Variants in DCAF13 observed in about 807,000 individuals in gnomAD.
The protein encoded by DCAF13 is DDB1- and CUL4-associated factor 13.
A neutral mutation model predicts 59.0 loss-of-function variants in DCAF13; 38 were observed. The ratio of observed to expected loss-of-function variants is 0.64; its 90% CI spans 0.50 to 0.84. The LOEUF (loss-of-function observed/expected upper bound fraction) is 0.84. Among genes scored for constraint, DCAF13 ranks in the 40% least tolerant of loss-of-function variants. The pLI, the probability that DCAF13 is intolerant of heterozygous loss-of-function variation, is 0.00. For synonymous variants in DCAF13, 173 were observed against 175.0 expected, an observed-to-expected ratio of 0.99 and a Z score of 0.09; for missense variants, 469 against 558.4, an observed-to-expected ratio of 0.84 and a Z score of 1.61.
At chr8:103,420,007 C>CAAA (rs57225658) in intron 1 of DCAF13, among the ~76,000 whole-genome samples, 1 of 81,262 alleles carries the variant, frequency 1.2e-5, no homozygotes, top group Non-Finnish European at 2.7e-5. Context: ...GACTCCGTCT[C>CAAA]AAAAAAAAAA....
At chr8:103,432,078 T>A (rs1816872634) in intron 6 of DCAF13, among the ~76,000 whole-genome samples, 1 of 152,204 alleles carries the variant, frequency 6.6e-6, no homozygotes, top group Admixed American at 6.6e-5. Flanking sequence ...GTTTCTTTTA[T>A]CCTTTCTCTC....
Position 103,427,123 on chromosome 8 carries a change from C to G in DCAF13, c.495C>G (p.His165Gln). The change falls in exon 5 of 11, where the codon CAC becomes CAG. Residue 165 changes from histidine (H) to glutamine (Q), a missense_variant. Physicochemically the swap from His to Gln is conservative, Grantham distance 24. Around this residue, in one of 3 missense-constraint regions of DCAF13, gnomAD observed 355 missense variants for 399.1 expected, o/e 0.89. Coordinates refer to ENST00000612750, the MANE Select transcript of DCAF13 (RefSeq NM_015420.7). ...CAGTGTATACTGGGATTGATCATCA[C>G]TGGAAAGAAGCTGTTTTTGCCACAT... ...GKTVYTGIDHHWKEAVFATCG... is the reference protein window; with the variant it reads ...GKTVYTGIDHQWKEAVFATCG... The G allele has an allele frequency of 6.2e-7, 1 of 1,612,954 alleles. No individual in the cohort carries two copies. Among genetic ancestry groups the G allele is most frequent in the Non-Finnish European group, 8.5e-7 (1 of 1,179,566 alleles).
At chr8:103,433,215 A>T (rs1336853734) in intron 7 of DCAF13, among the ~76,000 whole-genome samples, 1 of 152,152 alleles carries the variant, frequency 6.6e-6, no homozygotes, top group Non-Finnish European at 1.5e-5. Context: ...TTTAATGGAA[A>T]TGAAAATATC....
At chr8:103,417,641 CAAAAA>C (rs34702662) in intron 1 of DCAF13, among the ~76,000 whole-genome samples, 4 of 75,944 alleles carry the variant, frequency 5.3e-5, no homozygotes, top group Admixed American at 2.8e-4. Context: ...GACTCCGTCT[CAAAAA>C]AAAAAAAAAA....
Position 103,435,678 on chromosome 8 carries a change from G to T in DCAF13, c.838G>T (p.Asp280Tyr). ...GGACACTCCTGTAATGGTCCATATG[G>T]ATCATGTATCTGCAGTGCTTGATGT... ...ALDTPVMVHMDHVSAVLDVDY... is the reference protein window; with the variant it reads ...ALDTPVMVHMYHVSAVLDVDY... The change falls in exon 8 of 11, where the codon GAT becomes TAT. Residue 280 changes from aspartate to tyrosine, a missense_variant. This residue lies in a region of DCAF13 where 355 missense variants were observed against 399.1 expected (regional missense o/e 0.89). Transcript: ENST00000612750. 1 of 1,612,590 alleles carries T rather than the reference G, an allele frequency of 6.2e-7. No individual in the cohort carries two copies. Among genetic ancestry groups the T allele is most frequent in the Non-Finnish European group, 8.5e-7 (1 of 1,179,224 alleles).
chr8:103,442,493 C>T (rs961900101), intron 10 of DCAF13: 6 of 193,324 alleles, frequency 3.1e-5, no homozygotes, highest in Non-Finnish European at 6.3e-5. Flanking sequence ...TTAGAATATA[C>T]AAATGGCTCT....
At chr8:103,422,598 A>G (rs1400236968) in intron 3 of DCAF13, among the ~76,000 whole-genome samples, 1 of 152,238 alleles carries the variant, frequency 6.6e-6, no homozygotes, top group Non-Finnish European at 1.5e-5. Flanking sequence ...TTAGAAATGT[A>G]GAGATGTAAA....
At chr8:103,441,780 T>C in intron 10 of DCAF13, 162 bp downstream of exon 10, 1 of 672,242 alleles carries the variant, frequency 1.5e-6, no homozygotes, top group Non-Finnish European at 2.3e-6. Flanking sequence ...TTTTCTTTTT[T>C]CTTTTTTTTT....
chr8:103,417,424 G>A (rs1426327764), intron 1 of DCAF13, among the ~76,000 whole-genome samples: 1 of 151,744 alleles, frequency 6.6e-6, no homozygotes, highest in Non-Finnish European at 1.5e-5. Context: ...GGCGGATCAC[G>A]AGGTCAGGAG....
chr8:103,430,607 T>A lies in DCAF13; in HGVS notation c.625-5T>A. The A allele has an allele frequency of 6.2e-7, 1 of 1,609,846 alleles. No individual in the cohort carries two copies. The highest frequency in any genetic ancestry group is 8.5e-7 in the Non-Finnish European group (1 of 1,177,256). ...TGAACTGGTGATTGTTATACTTGTTTTTAGACATTTCTCTTGGGAAGTTGT... is the reference window on the plus strand; with the variant it reads ...TGAACTGGTGATTGTTATACTTGTTATTAGACATTTCTCTTGGGAAGTTGT... On this transcript the variant is annotated splice_region_variant and splice_polypyrimidine_tract_variant and intron_variant, in intron 5 of 10. Transcript: ENST00000612750.
At chr8:103,436,956 A>G (rs1219111531) in intron 8 of DCAF13, among the ~76,000 whole-genome samples, 1 of 152,168 alleles carries the variant, frequency 6.6e-6, no homozygotes. Context: ...TGAGGAAGCC[A>G]TATGGATTTC....
At chr8:103,425,375 A>T (rs890530659) in intron 3 of DCAF13, among the ~76,000 whole-genome samples, 1 of 152,174 alleles carries the variant, frequency 6.6e-6, no homozygotes, top group African/African-American at 2.4e-5. Flanking sequence ...CTTTGCCTTG[A>T]TTTGGGCTAA....
In DCAF13 at chr8:103,430,669, C is replaced by T. The variant is rs200980273; in HGVS notation, c.682C>T (p.Gln228Ter). Reference sequence around the variant, plus strand: ...GAATATAGTACTGTACGATATGAGGCAAGCTACTCCTTTGAAAAAGGTGAG... The same window carrying T: ...GAATATAGTACTGTACGATATGAGGTAAGCTACTCCTTTGAAAAAGGTGAG... ...DRNIVLYDMR[Q>*]ATPLKKVILD... The change falls in exon 6 of 11, where the codon CAA becomes TAA. Residue 228 changes from glutamine (Q) to a stop codon, truncating the protein, a stop_gained. Transcript: ENST00000612750. LOFTEE classifies it high-confidence loss of function. 6.2e-7 allele frequency: 1 copy of T among 1,608,732 alleles called. No individual in the cohort carries two copies. Among genetic ancestry groups the T allele is most frequent in the Non-Finnish European group, 8.5e-7 (1 of 1,177,412 alleles).
At chr8:103,427,293 A>C (rs995627491) in intron 5 of DCAF13, 41 bp downstream of exon 5, 1 of 1,544,306 alleles carries the variant, frequency 6.5e-7, no homozygotes, top group African/African-American at 1.4e-5. Context: ...ATTATGGCTT[A>C]ATAATTTCAG....
intron 8 of DCAF13, among the ~76,000 whole-genome samples, chr8:103,437,328 C>T (rs1309833672): frequency 6.6e-6 from 1 of 152,052 alleles, no homozygotes; most frequent in Non-Finnish European, 1.5e-5. Flanking sequence ...AGTATTTTTC[C>T]AACATGGTAC....
At chr8:103,416,584 T>C (rs538316866) in intron 1 of DCAF13, among the ~76,000 whole-genome samples, 6 of 152,372 alleles carry the variant, frequency 3.9e-5, no homozygotes, top group African/African-American at 1.4e-4. Flanking sequence ...AACAGTAATC[T>C]GTTCCTGCTT....
At chr8:103,422,725 G>A (rs1218775464) in intron 3 of DCAF13, among the ~76,000 whole-genome samples, 3 of 152,084 alleles carry the variant, frequency 2.0e-5, no homozygotes, top group South Asian at 2.1e-4. Flanking sequence ...ATACACATGC[G>A]CTAATCAGTC....
chr8:103,424,443 A>G (rs558684081), intron 3 of DCAF13, among the ~76,000 whole-genome samples: 23 of 152,388 alleles, frequency 1.5e-4, no homozygotes, highest in African/African-American at 4.3e-4. Context: ...GTTGCAAAAC[A>G]TAAACTTTTA....
At chr8:103,438,142 G>A (rs1360192596) in intron 8 of DCAF13, among the ~76,000 whole-genome samples, 1 of 152,068 alleles carries the variant, frequency 6.6e-6, no homozygotes, top group Non-Finnish European at 1.5e-5. Flanking sequence ...TAATGGTTAC[G>A]GAAACCTGAT....
Sources: allele counts gnomAD v4.1 joint callset (sites outside exome capture counted in the v4.1 genomes callset), GRCh38; gene constraint gnomAD v4.1.1; regional missense constraint gnomAD v4.1.1; transcripts MANE v1.5; gene names NCBI Gene and HGNC (gene_info 2026-07-23, HGNC 2026-07-21).